DMD: variants seen among roughly 807,000 people sequenced by gnomAD.
DMD encodes dystrophin.
Under a neutral mutation model 330.1 loss-of-function variants are expected in DMD, and 63 were observed. The ratio of observed to expected loss-of-function variants is 0.19; its 90% CI spans 0.16 to 0.24. DMD has a LOEUF of 0.24. DMD is among the 10% of genes least tolerant of loss of function. DMD has a pLI of 1.00. For synonymous variants in DMD, 1,223 were observed against 959.8 expected (o/e 1.27, Z -5.07); for missense variants, 3,344 against 2,684.1 (o/e 1.25, Z -5.43).
At chrX:31,426,870 A>G (rs1379772806) in intron 60 of DMD, among the ~76,000 whole-genome samples, 2 of 112,100 alleles carry the variant, frequency 1.8e-5, no homozygotes, top group Non-Finnish European at 3.8e-5. Flanking sequence ...AAAAGGTTCT[A>G]CTCATCCAAA....
intron 22 of DMD, 63 bp downstream of exon 22, chrX:32,472,101 T>A: frequency 8.7e-7 from 1 of 1,145,909 alleles, no homozygotes; most frequent in Admixed American, 2.2e-5. Flanking sequence ...TATTTAAAGG[T>A]TATATCAATG....
intron 2 of DMD, among the ~76,000 whole-genome samples, chrX:32,864,448 G>A (rs1344456473): frequency 4.5e-5 from 5 of 112,026 alleles, no homozygotes; most frequent in Admixed American, 9.5e-5. Context: ...GAGCCTTTAC[G>A]TCATCTTTTC....
rs192326515 is a variant in DMD at position 32,595,281 on chromosome X, A to G, written c.1602+476T>C. On this transcript the variant is annotated intron_variant, in intron 13 of 78. Transcript: ENST00000357033. ...AAATACAGAAGAGTATAGGCCCACC[A>G]TACAACCATCTGTGAGTTCTACGGA... Among the ~76,000 whole-genome samples the G allele has an allele frequency of 1.9e-4, 21 of 111,712 alleles. No individual in the cohort carries two copies. In the Admixed American group the frequency reaches 1.9e-3, roughly 10 times the overall value.
At chrX:32,924,158 G>A (rs139428980) in intron 2 of DMD, among the ~76,000 whole-genome samples, 1,902 of 111,322 alleles carry the variant, frequency 0.017, 22 homozygotes, top group African/African-American at 0.046. Flanking sequence ...AATGGCTACG[G>A]CATCTGGATT....
chrX:31,685,959 C>T (rs2082663916), intron 52 of DMD, among the ~76,000 whole-genome samples: 1 of 111,760 alleles, frequency 8.9e-6, no homozygotes, highest in South Asian at 3.7e-4. Flanking sequence ...CCATAACTGG[C>T]TTAATTATTG....
At chrX:33,001,901 T>A (rs2093287859) in intron 2 of DMD, among the ~76,000 whole-genome samples, 1 of 111,380 alleles carries the variant, frequency 9.0e-6, no homozygotes, top group Non-Finnish European at 1.9e-5. Flanking sequence ...TCTTTTAAAA[T>A]CTCTACTTTT....
intron 2 of DMD, among the ~76,000 whole-genome samples, chrX:32,986,805 A>G (rs1161203437): frequency 8.9e-6 from 1 of 112,514 alleles, no homozygotes; most frequent in East Asian, 2.8e-4. Flanking sequence ...TGTTTATCTT[A>G]TTTCAGTGAA....
rs904803530 is a variant in DMD at position 33,155,892 on chromosome X, G to A, written c.31+55390C>T. On this transcript the variant is annotated intron_variant, in intron 1 of 78. Coordinates refer to ENST00000357033, the MANE Select transcript of DMD (RefSeq NM_004006.3). The stretch of plus-strand genomic sequence containing the variant: ...TTCAGTGAGCAGATCGCGCCACCAC[G>A]CTTCAGCCCAAGTGACAGAGCAAGA... Among the ~76,000 whole-genome samples the A allele has an allele frequency of 5.4e-5, 6 of 110,941 alleles. No homozygotes were observed. In the Admixed American group the frequency reaches 5.8e-4, roughly 11 times the overall value.
chrX:33,021,282 C>T (rs1462325676), intron 1 of DMD, among the ~76,000 whole-genome samples: 3 of 110,345 alleles, frequency 2.7e-5, no homozygotes, highest in African/African-American at 9.9e-5. Context: ...ATCTTTTTGC[C>T]CCTAAACTGG....
chrX:32,786,487 A>G (rs1036540716), intron 7 of DMD, among the ~76,000 whole-genome samples: 2 of 111,430 alleles, frequency 1.8e-5, no homozygotes, highest in Non-Finnish European at 3.8e-5. Flanking sequence ...TCATACTTGC[A>G]AGATTTGTAA....
At chrX:31,214,928 T>TTCTTTTC (rs2045188735) in intron 64 of DMD, among the ~76,000 whole-genome samples, 1 of 51,799 alleles carries the variant, frequency 1.9e-5, no homozygotes. Flanking sequence ...ACTTTTTTAT[T>TTCTTTTC]TCTTTTTTCT....
chrX:33,034,992 C>T (rs915006058), intron 1 of DMD, among the ~76,000 whole-genome samples: 1 of 111,413 alleles, frequency 9.0e-6, no homozygotes. Context: ...ATGGAATAAA[C>T]CCCTAAAATT....
At chrX:32,501,256 G>A (rs2044024430) in intron 19 of DMD, among the ~76,000 whole-genome samples, 1 of 111,805 alleles carries the variant, frequency 8.9e-6, no homozygotes. Flanking sequence ...TTATCCCGAA[G>A]AGACTTCTTT....
At chrX:31,289,398 A>G (rs935722549) in intron 62 of DMD, among the ~76,000 whole-genome samples, 2 of 110,978 alleles carry the variant, frequency 1.8e-5, no homozygotes, top group African/African-American at 6.6e-5. Flanking sequence ...GTTCGTTGTA[A>G]ATGGAGTACA....
chrX:32,868,180 C>T (rs1415572106), intron 2 of DMD, among the ~76,000 whole-genome samples: 1 of 111,973 alleles, frequency 8.9e-6, no homozygotes, highest in Non-Finnish European at 1.9e-5. Context: ...CCTACCCTGC[C>T]TGGGAAATCT....
intron 1 of DMD, among the ~76,000 whole-genome samples, chrX:33,044,172 C>A (rs1206638363): frequency 1.8e-5 from 2 of 111,920 alleles, no homozygotes; most frequent in African/African-American, 6.5e-5. Flanking sequence ...TGGCTCATGC[C>A]TGTAATCCCA....
Position 31,477,999 on chromosome X carries a change from G to A in DMD, c.8937+107C>T, listed in dbSNP as rs1484740997. On this transcript the variant is annotated intron_variant, in intron 59 of 78. Coordinates refer to ENST00000357033, the MANE Select transcript of DMD (RefSeq NM_004006.3). ...AGACTGAATTTGTGAAAGACGGACT[G>A]ATTTCTCTAGCTTTAACTTTGTGGG... 4.4e-6 allele frequency: 4 copies of A among 917,043 alleles called. No homozygotes were observed. In the African/African-American group the frequency reaches 5.9e-5, roughly 13 times the overall value. The allele number at this position is 917,043 out of a possible 1,213,427, so 75.6% of individuals were successfully genotyped here.
chrX:31,671,240 G>A (rs1269940341), intron 53 of DMD, among the ~76,000 whole-genome samples: 3 of 112,018 alleles, frequency 2.7e-5, no homozygotes, highest in African/African-American at 9.8e-5. Flanking sequence ...TTTGTTAAGT[G>A]TTCTTTATTT....
intron 51 of DMD, among the ~76,000 whole-genome samples, chrX:31,767,703 TC>T (rs1429246432): frequency 8.9e-6 from 1 of 111,938 alleles, no homozygotes; most frequent in African/African-American, 3.2e-5. Context: ...CATCAATTCT[TC>T]CAGGGCTATA....
Sources: gnomAD v4.1 joint callset for allele counts (sites outside exome capture counted in the v4.1 genomes callset) on GRCh38, gnomAD v4.1.1 for gene constraint, MANE v1.5 for transcripts, NCBI Gene and HGNC (gene_info 2026-07-23, HGNC 2026-07-21) for gene names.